Variants in ATP8B4 observed in about 807,000 individuals in gnomAD.
ATP8B4 encodes the protein ATPase phospholipid transporting 8B4 (putative).
Under a neutral mutation model 145.6 loss-of-function variants are expected in ATP8B4, and 133 were observed. The ratio of observed to expected loss-of-function variants is 0.91; its 90% confidence interval spans 0.79 to 1.05. ATP8B4 has a LOEUF of 1.05. Ranked by LOEUF, ATP8B4 falls within the 50% of genes least tolerant of loss-of-function variation. ATP8B4 has a pLI of 0.00. For missense variants in ATP8B4, 1,458 were observed against 1,425.2 expected (o/e 1.02, Z -0.37); for synonymous variants, 507 against 492.9 (o/e 1.03, Z -0.38).
chr15:49,887,459 G>A (rs1248338774), intron 23 of ATP8B4, among the ~76,000 whole-genome samples: 1 of 151,022 alleles, frequency 6.6e-6, no homozygotes, highest in Non-Finnish European at 1.5e-5. Flanking sequence ...TCTGATTTTG[G>A]GTGACTCAAA....
At chr15:50,028,189 G>A (rs556294806) in intron 6 of ATP8B4, among the ~76,000 whole-genome samples, 135 of 152,116 alleles carry the variant, frequency 8.9e-4, no homozygotes, top group African/African-American at 3.2e-3. Context: ...AATTTCCCAG[G>A]TCCTTTTGAG....
At chr15:50,072,920 G>GT (rs2053841895) in intron 3 of ATP8B4, among the ~76,000 whole-genome samples, 1 of 47,414 alleles carries the variant, frequency 2.1e-5, no homozygotes. Flanking sequence ...ACTGTGCCCG[G>GT]CCTCTCTCTC....
chr15:50,135,454 T>A (rs916229953), intron 1 of ATP8B4, among the ~76,000 whole-genome samples: 2 of 152,180 alleles, frequency 1.3e-5, no homozygotes, highest in Non-Finnish European at 2.9e-5. Context: ...CTTGCGGGAA[T>A]TGCTTGAGCT....
intron 9 of ATP8B4, among the ~76,000 whole-genome samples, chr15:49,987,766 G>C: frequency 6.6e-6 from 1 of 151,372 alleles, no homozygotes; most frequent in Middle Eastern, 3.4e-3. Context: ...AATAAAAATA[G>C]AAAAAACAAA....
intron 1 of ATP8B4, among the ~76,000 whole-genome samples, chr15:50,179,923 A>C (rs375011957): frequency 6.6e-6 from 1 of 152,194 alleles, no homozygotes; most frequent in African/African-American, 2.4e-5. Flanking sequence ...ATAAAGCAAG[A>C]GCTGGATCCC....
chr15:50,172,893 G>A (rs1383785770), intron 1 of ATP8B4, among the ~76,000 whole-genome samples: 1 of 151,858 alleles, frequency 6.6e-6, no homozygotes, highest in Non-Finnish European at 1.5e-5. Flanking sequence ...GAAGTGAGGA[G>A]CCCCTCCGTC....
Position 49,878,606 on chromosome 15 carries a change from C to T in ATP8B4, c.2781+770G>A, listed in dbSNP as rs568132158. ...TTCCACTGGCTAGTCTTTCACTTCC[C>T]CACAGGCAGCCAGACTTTTTCCCCT... On this transcript the variant is annotated intron_variant, in intron 24 of 27. Transcript: ENST00000284509. Among the ~76,000 whole-genome samples, 125 of 152,288 alleles carry T rather than the reference C, an allele frequency of 8.2e-4. 1 individual carries two copies. The highest frequency in any genetic ancestry group is 1.5e-3 in the Non-Finnish European group (105 of 68,018).
chr15:50,144,777 A>G (rs944827581), intron 1 of ATP8B4, among the ~76,000 whole-genome samples: 1 of 151,428 alleles, frequency 6.6e-6, no homozygotes, highest in Non-Finnish European at 1.5e-5. Context: ...CTTTCTTCCT[A>G]TCCACAGGGC....
chr15:49,989,944 G>T (rs116978532), intron 9 of ATP8B4, among the ~76,000 whole-genome samples: 1 of 152,034 alleles, frequency 6.6e-6, no homozygotes. Flanking sequence ...GATCTTTGTC[G>T]AAGAGATGGA....
intron 1 of ATP8B4, among the ~76,000 whole-genome samples, chr15:50,170,253 A>C (rs1190397238): frequency 6.6e-6 from 1 of 152,172 alleles, no homozygotes; most frequent in Non-Finnish European, 1.5e-5. Flanking sequence ...GAAGAAAAGA[A>C]TCCTAAGAGC....
At chr15:49,870,424 T>G (rs756739750) in intron 25 of ATP8B4, among the ~76,000 whole-genome samples, 4 of 152,212 alleles carry the variant, frequency 2.6e-5, no homozygotes, top group South Asian at 2.1e-4. Flanking sequence ...TTTGAAATGT[T>G]TAAAAGAGCA....
intron 8 of ATP8B4, 77 bp from the exon 9 acceptor site, chr15:49,996,836 G>T: frequency 8.7e-7 from 1 of 1,146,724 alleles, no homozygotes; most frequent in Non-Finnish European, 1.3e-6. Context: ...TCAGGTGGGT[G>T]TAGCACATGC....
chr15:49,903,698 A>G (rs1346056673), intron 20 of ATP8B4, among the ~76,000 whole-genome samples: 2 of 152,200 alleles, frequency 1.3e-5, no homozygotes, highest in Non-Finnish European at 2.9e-5. Context: ...GTTCAAGACC[A>G]GCCTGAACAA....
chr15:50,067,165 G>A (rs1163684558), intron 3 of ATP8B4, among the ~76,000 whole-genome samples: 1 of 152,010 alleles, frequency 6.6e-6, no homozygotes, highest in Non-Finnish European at 1.5e-5. Flanking sequence ...CCTTCCAGCC[G>A]ATATTCCTAA....
chr15:50,083,284 T>C (rs146031414), intron 2 of ATP8B4, among the ~76,000 whole-genome samples: 1 of 152,316 alleles, frequency 6.6e-6, no homozygotes, highest in East Asian at 1.9e-4. Flanking sequence ...TCTTTGAAAC[T>C]TTTCTTATAT....
intron 9 of ATP8B4, among the ~76,000 whole-genome samples, chr15:49,993,375 A>AGT (rs34145133): frequency 0.11 from 16,302 of 151,188 alleles, 1,755 homozygotes; most frequent in African/African-American, 0.28. Flanking sequence ...TGCTGATAGT[A>AGT]GTGTGTGTGT....
intron 1 of ATP8B4, among the ~76,000 whole-genome samples, 192 bp from the exon 2 acceptor site, chr15:50,107,200 T>C (rs1567375397): frequency 6.6e-6 from 1 of 152,240 alleles, no homozygotes; most frequent in African/African-American, 2.4e-5. Context: ...AATCTATTTG[T>C]ATTTTAAAGG....
Position 49,866,484 on chromosome 15 carries a change from T to C in ATP8B4, c.3028A>G (p.Ile1010Val), listed in dbSNP as rs1260162863. 1.2e-6 allele frequency: 2 copies of C among 1,613,366 alleles called. No individual in the cohort carries two copies. Reference protein sequence around the residue: ...TSLVIVVSVQIALDTSYWTFI... With the variant: ...TSLVIVVSVQVALDTSYWTFI... ...GTCCAGTAACTGGTATCCAAGGCTATCTGTAAATAAAATCAAATGCAAACG... is the reference window on the plus strand; with the variant it reads ...GTCCAGTAACTGGTATCCAAGGCTACCTGTAAATAAAATCAAATGCAAACG... The change falls in exon 26 of 28, where the codon ATA becomes GTA. Residue 1010 changes from isoleucine to valine, a missense_variant and splice_region_variant. Transcript: ENST00000284509.
intron 24 of ATP8B4, among the ~76,000 whole-genome samples, chr15:49,877,890 TAAG>T (rs1311669503): frequency 6.6e-6 from 1 of 152,206 alleles, no homozygotes; most frequent in African/African-American, 2.4e-5. Context: ...ACCTCAAAGT[TAAG>T]AGGCCTGGTT....
Sources: gnomAD v4.1 joint callset for allele counts (sites outside exome capture counted in the v4.1 genomes callset) on GRCh38, gnomAD v4.1.1 for gene constraint, MANE v1.5 for transcripts, NCBI Gene and HGNC (gene_info 2026-07-23, HGNC 2026-07-21) for gene names.